The following LRP1B variants were observed in gnomAD, a reference collection of about 807,000 sequenced individuals.
The protein encoded by LRP1B is LDL receptor related protein 1B.
A neutral mutation model predicts 556.6 loss-of-function variants in LRP1B; 217 were observed. The observed-to-expected ratio is 0.39, with a 90% confidence interval of 0.35 to 0.44. The LOEUF is 0.44. Ranked by LOEUF, LRP1B falls within the 20% of genes least tolerant of loss-of-function variation. LRP1B has a pLI of 1.00. For synonymous variants in LRP1B, 2,047 were observed against 1,865.8 expected (o/e 1.10, Z -2.50); for missense variants, 5,053 against 5,620.8 (o/e 0.90, Z 3.23).
intron 67 of LRP1B, among the ~76,000 whole-genome samples, chr2:140,380,732 G>A (rs1462701083): frequency 1.3e-5 from 2 of 152,110 alleles, no homozygotes; most frequent in African/African-American, 2.4e-5. Context: ...CTCATGATGT[G>A]CTACACAGCA....
intron 35 of LRP1B, among the ~76,000 whole-genome samples, chr2:140,765,154 A>T (rs1689057800): frequency 6.6e-6 from 1 of 152,072 alleles, no homozygotes; most frequent in Admixed American, 6.6e-5. Context: ...TCTTCCAAGC[A>T]ACTTAGACGT....
intron 2 of LRP1B, among the ~76,000 whole-genome samples, chr2:141,792,911 TTATAA>T (rs776662260): frequency 1.6e-4 from 24 of 152,158 alleles, no homozygotes; most frequent in African/African-American, 4.8e-4. Context: ...GAAAACATTC[TTATAA>T]TATGTCTTTC....
chr2:141,568,816 C>T (rs944363771), intron 2 of LRP1B, among the ~76,000 whole-genome samples: 1 of 151,174 alleles, frequency 6.6e-6, no homozygotes, highest in African/African-American at 2.4e-5. Flanking sequence ...TGCAGTGGCA[C>T]GATCTCAGCT....
chr2:140,848,038 T>C (rs1289639475), intron 29 of LRP1B, among the ~76,000 whole-genome samples: 2 of 152,168 alleles, frequency 1.3e-5, no homozygotes, highest in Non-Finnish European at 2.9e-5. Flanking sequence ...TAACATCTTT[T>C]GCTCTTTATA....
chr2:140,582,252 C>A (rs1439345137), intron 43 of LRP1B, among the ~76,000 whole-genome samples: 1 of 152,088 alleles, frequency 6.6e-6, no homozygotes, highest in East Asian at 1.9e-4. Flanking sequence ...AAAAATGAGA[C>A]CCATGCCTCA....
chr2:141,799,808 C>CTGTGTGTG lies in LRP1B; in HGVS notation c.205+10463_205+10470dup, dbSNP rs145191262. ...AACAATCTGTTTTTAAAGAGTGTGTCTGTGTGTGTGTGTGTGTGTGTGTAT... is the reference window on the plus strand; with the variant it reads ...AACAATCTGTTTTTAAAGAGTGTGTCTGTGTGTGTGTGTGTGTGTGTGTGTGTGTGTAT... On this transcript the variant is annotated intron_variant, in intron 2 of 90. Coordinates refer to ENST00000389484, the MANE Select transcript of LRP1B (RefSeq NM_018557.3). Among the ~76,000 whole-genome samples, 537 of 147,718 alleles carry CTGTGTGTG rather than the reference C, an allele frequency of 3.6e-3. 3 individuals are homozygous for CTGTGTGTG. Among genetic ancestry groups the CTGTGTGTG allele is most frequent in the African/African-American group, 0.012 (472 of 39,466 alleles).
intron 7 of LRP1B, among the ~76,000 whole-genome samples, chr2:141,094,603 A>T (rs2104919346): frequency 6.6e-6 from 1 of 152,232 alleles, no homozygotes; most frequent in East Asian, 1.9e-4. Context: ...AAAACCATTC[A>T]ACCTTTCCCA....
At chr2:141,515,926 T>G (rs941836891) in intron 2 of LRP1B, among the ~76,000 whole-genome samples, 1 of 152,206 alleles carries the variant, frequency 6.6e-6, no homozygotes, top group African/African-American at 2.4e-5. Flanking sequence ...AAAACTTACA[T>G]TCAGCTTTTG....
At chr2:141,449,624 A>C in intron 3 of LRP1B, among the ~76,000 whole-genome samples, 1 of 136 alleles carries the variant, frequency 7.4e-3, no homozygotes, top group Non-Finnish European at 0.029. Flanking sequence ...ATGTGCAAGA[A>C]AAAAACCACA....
chr2:141,844,232 A>G (rs1315005724), intron 1 of LRP1B, among the ~76,000 whole-genome samples: 1 of 152,024 alleles, frequency 6.6e-6, no homozygotes, highest in Non-Finnish European at 1.5e-5. Flanking sequence ...CACAGGTTAA[A>G]TTTTGCTTTT....
At chr2:141,716,092 A>G (rs1692573447) in intron 2 of LRP1B, among the ~76,000 whole-genome samples, 1 of 152,154 alleles carries the variant, frequency 6.6e-6, no homozygotes, top group Non-Finnish European at 1.5e-5. Context: ...GGTAAAGTGT[A>G]CATCTCTTTC....
At chr2:140,979,273 C>T (rs1211508675) in intron 18 of LRP1B, among the ~76,000 whole-genome samples, 1 of 152,140 alleles carries the variant, frequency 6.6e-6, no homozygotes, top group Admixed American at 6.6e-5. Flanking sequence ...ACCACCACAC[C>T]TGGTCGTGAG....
chr2:141,266,692 C>A (rs1684904028), intron 3 of LRP1B, among the ~76,000 whole-genome samples: 1 of 152,082 alleles, frequency 6.6e-6, no homozygotes, highest in Non-Finnish European at 1.5e-5. Flanking sequence ...CATATATAAT[C>A]ATTTTTAGCA....
intron 74 of LRP1B, among the ~76,000 whole-genome samples, chr2:140,357,489 C>G (rs1394013982): frequency 6.6e-6 from 1 of 151,146 alleles, no homozygotes; most frequent in Non-Finnish European, 1.5e-5. Context: ...AAATACCAAG[C>G]ATTAGACACA....
intron 2 of LRP1B, among the ~76,000 whole-genome samples, chr2:141,760,820 C>T (rs1694517105): frequency 6.6e-6 from 1 of 152,186 alleles, no homozygotes. Context: ...ATTAGAGTCA[C>T]TTGTAACATG....
intron 3 of LRP1B, among the ~76,000 whole-genome samples, chr2:141,467,985 C>T (rs148027223): frequency 1.3e-5 from 2 of 152,096 alleles, no homozygotes; most frequent in Non-Finnish European, 2.9e-5. Context: ...TGGGTCTTTC[C>T]AGTCAAGTGA....
At chr2:141,996,088 CT>C (rs1211770528) in intron 1 of LRP1B, among the ~76,000 whole-genome samples, 1 of 151,988 alleles carries the variant, frequency 6.6e-6, no homozygotes, top group African/African-American at 2.4e-5. Flanking sequence ...TCTGTCTCTA[CT>C]CAAAATACAA....
intron 89 of LRP1B, among the ~76,000 whole-genome samples, chr2:140,235,821 CCTT>C (rs1680672795): frequency 6.6e-6 from 1 of 150,944 alleles, no homozygotes; most frequent in African/African-American, 2.4e-5. Context: ...AAATAACCCT[CCTT>C]CATATGAAAA....
At chr2:140,375,730 TTTG>T (rs1052621885) in intron 68 of LRP1B, among the ~76,000 whole-genome samples, 1 of 151,880 alleles carries the variant, frequency 6.6e-6, no homozygotes, top group Admixed American at 6.6e-5. Flanking sequence ...TTAAGATTTC[TTTG>T]TTTTTTTGTT....
Sources: allele counts gnomAD v4.1 joint callset (sites outside exome capture counted in the v4.1 genomes callset), GRCh38; gene constraint gnomAD v4.1.1; transcripts MANE v1.5; gene names NCBI Gene and HGNC (gene_info 2026-07-23, HGNC 2026-07-21).